Variants in SLC17A9 observed in about 807,000 individuals in gnomAD.
The protein encoded by SLC17A9 is voltage-gated purine nucleotide uniporter SLC17A9.
In SLC17A9, 49 loss-of-function variants were observed where a neutral mutation model predicts 55.0. The observed-to-expected ratio is 0.89, with a 90% CI of 0.71 to 1.13. SLC17A9 has a LOEUF of 1.13. SLC17A9 is among the 50% of genes most tolerant of loss of function. The pLI is 0.00. For missense variants in SLC17A9, 526 were observed against 569.3 expected (o/e 0.92, Z 0.77); for synonymous variants, 256 against 247.4 (o/e 1.03, Z -0.32).
At chr20:62,960,642 C>T (rs1264291339) in intron 4 of SLC17A9, 39 bp downstream of exon 4, 5 of 1,571,622 alleles carry the variant, frequency 3.2e-6, no homozygotes, top group Admixed American at 1.8e-5. Flanking sequence ...GAGAGGCCAC[C>T]AGGTGAGCCC....
At position 62,967,344 on chromosome 20, in the gene SLC17A9, G is replaced by A. The variant is rs751131972; in HGVS notation, c.1155G>A (p.Val385=). 1 of 1,613,992 alleles carries A rather than the reference G, an allele frequency of 6.2e-7. No individual in the cohort carries two copies. Among genetic ancestry groups the A allele is most frequent in the Non-Finnish European group, 8.5e-7 (1 of 1,179,936 alleles). The stretch of plus-strand genomic sequence containing the variant: ...TGGCCCTCTCTTGGGCAGGTGTCGT[G>A]GGTGTGTGTCTAGGCGGCTACTTGA... The part of the protein sequence containing the change: ...ANTAGALAGV[V]GVCLGGYLME... The change falls in exon 13 of 13, where the codon GTG becomes GTA. Residue 385 remains valine, a synonymous_variant. Transcript: ENST00000370351.
chr20:62,966,897 A>G (rs1355581694), intron 12 of SLC17A9, 165 bp downstream of exon 12: 1 of 841,984 alleles, frequency 1.2e-6, no homozygotes, highest in East Asian at 2.7e-5. Flanking sequence ...GCTGCCTTCC[A>G]GGTTCCACTG....
At chr20:62,953,379 G>T (rs73918881) in intron 1 of SLC17A9, 6 of 1,356,174 alleles carry the variant, frequency 4.4e-6, no homozygotes, top group Non-Finnish European at 6.1e-6. Flanking sequence ...TTCAGCTCTC[G>T]GAGCATTTGG....
chr20:62,966,767 T>A (rs2065644508), intron 12 of SLC17A9, 35 bp downstream of exon 12: 3 of 1,596,760 alleles, frequency 1.9e-6, no homozygotes, highest in Non-Finnish European at 2.6e-6. Context: ...GGAGTTCCCC[T>A]GTCTGTGGGG....
rs575898248 is a variant in SLC17A9, at chr20:62,958,434, G to A, written c.397+854G>A. On this transcript the variant is annotated intron_variant, in intron 3 of 12. Coordinates refer to ENST00000370351, the MANE Select transcript of SLC17A9 (RefSeq NM_022082.4). This position sits in a 1 kb window ranked among gnomAD's most constrained non-coding sequence, Gnocchi z 4.1. ...GAACAAGGTGGGTGGGGGGGCCAAG[G>A]GGGCTTTGAGGGGCCCCTACTTGGC... Among the ~76,000 whole-genome samples, 22 of 152,084 alleles carry A rather than the reference G, an allele frequency of 1.4e-4. No individual in the cohort carries two copies. The highest frequency in any genetic ancestry group is 4.8e-4 in the African/African-American group (20 of 41,502).
In SLC17A9 at chr20:62,962,542, C is replaced by G. The variant is rs528682547; in HGVS notation, c.498-82C>G. ...CTCTTCTCCAGGGGCTCAGCCTGCA[C>G]CAGGGTGGGGTTTCTGAGAGGCCCC... On this transcript the variant is annotated intron_variant, in intron 4 of 12. Transcript: ENST00000370351. The surrounding 1 kb of genome is among the most constrained non-coding windows in gnomAD (Gnocchi z 5.5). The G allele has an allele frequency of 2.6e-6, 4 of 1,537,718 alleles. No individual in the cohort carries two copies. The East Asian group carries it at 9.1e-5, about 35-fold the overall frequency.
At position 62,952,853 on chromosome 20, in the gene SLC17A9, C is replaced by A; in HGVS notation, c.23C>A (p.Ala8Asp). 1.3e-6 allele frequency: 2 copies of A among 1,529,376 alleles called. No individual in the cohort carries two copies. Among genetic ancestry groups the A allele is most frequent in the Non-Finnish European group, 8.8e-7 (1 of 1,142,486 alleles). 94.7% of individuals were successfully genotyped at this position (1,529,376 alleles called of 1,614,324 possible). A position where few individuals can be genotyped will look rare whatever the true frequency, so the allele number is the denominator to read the frequency against. The change falls in exon 1 of 13, where the codon GCC (alanine) becomes GAC (aspartate). Residue 8 changes from alanine to aspartate, a missense_variant. Physicochemically the swap from Ala to Asp is moderately radical, Grantham distance 126. Coordinates refer to ENST00000370351, the MANE Select transcript of SLC17A9 (RefSeq NM_022082.4). ...CCGATGCAGCCACCCCCAGACGAGG[C>A]CCGCAGGGACATGGCCGGGGACACC... The part of the protein sequence containing the change: MQPPPDE[A>D]RRDMAGDTQW...
In SLC17A9 at chr20:62,958,067, A is replaced by T. The variant is rs908870593; in HGVS notation, c.397+487A>T. On this transcript the variant is annotated intron_variant, in intron 3 of 12. Coordinates refer to ENST00000370351, the MANE Select transcript of SLC17A9 (RefSeq NM_022082.4). This position sits in a 1 kb window ranked among gnomAD's most constrained non-coding sequence, Gnocchi z 4.1. ...GGTATGCATGCGTGTGCATGCCTGTATGCATGTGTATGTGTGTGTGCGTTC... is the reference window on the plus strand; with the variant it reads ...GGTATGCATGCGTGTGCATGCCTGTTTGCATGTGTATGTGTGTGTGCGTTC... Among the ~76,000 whole-genome samples the T allele has an allele frequency of 6.6e-5, 10 of 151,856 alleles. No homozygotes were observed. Among genetic ancestry groups the T allele is most frequent in the African/African-American group, 2.2e-4 (9 of 41,306 alleles).
At chr20:62,957,614 C>T in intron 3 of SLC17A9, 34 bp downstream of exon 3, 1 of 1,492,762 alleles carries the variant, frequency 6.7e-7, no homozygotes, top group Admixed American at 2.3e-5. Context: ...CTCACGCTCT[C>T]TGGCACCAGG....
intron 10 of SLC17A9, 119 bp from the exon 11 acceptor site, chr20:62,966,406 G>A (rs932501925): frequency 1.1e-4 from 125 of 1,140,854 alleles, no homozygotes; most frequent in Admixed American, 1.9e-4. Flanking sequence ...AGGCCTGAGC[G>A]TGTCCCAGCC....
At chr20:62,967,243 A>G in intron 12 of SLC17A9, 94 bp from the exon 13 acceptor site, 1 of 1,481,592 alleles carries the variant, frequency 6.7e-7, no homozygotes, top group Non-Finnish European at 9.3e-7. Flanking sequence ...CTAGACCCCC[A>G]GCCCTTCCCC....
At chr20:62,965,033 T>A (rs1233788368) in intron 8 of SLC17A9, 99 bp from the exon 9 acceptor site, 21 of 1,404,468 alleles carry the variant, frequency 1.5e-5, no homozygotes, top group Non-Finnish European at 1.5e-5. Flanking sequence ...AGCCTCTTCC[T>A]CCCCTGCTGC....
intron 1 of SLC17A9, among the ~76,000 whole-genome samples, chr20:62,953,674 G>T (rs1412957088): frequency 6.6e-6 from 1 of 152,240 alleles, no homozygotes; most frequent in Non-Finnish European, 1.5e-5. Flanking sequence ...AGTCCCCAGG[G>T]TACCTACCCT....
At chr20:62,964,001 G>A (rs571113230) in intron 7 of SLC17A9, 1 of 609,316 alleles carries the variant, frequency 1.6e-6, no homozygotes, top group East Asian at 2.8e-5. Flanking sequence ...AAGCCGGGAT[G>A]TGGACAGAGG....
intron 1 of SLC17A9, 175 bp downstream of exon 1, chr20:62,953,064 T>C (rs2065504672): frequency 1.7e-6 from 2 of 1,206,006 alleles, no homozygotes; most frequent in Non-Finnish European, 2.4e-6. Flanking sequence ...GTGAGTGCCC[T>C]GTCCTTCCTC....
At chr20:62,959,186 C>A (rs1438343496) in intron 3 of SLC17A9, among the ~76,000 whole-genome samples, 1 of 152,202 alleles carries the variant, frequency 6.6e-6, no homozygotes, top group African/African-American at 2.4e-5. Flanking sequence ...TCGGACTGGG[C>A]TGACCAATGC....
Position 62,956,870 on chromosome 20 carries a change from C to T in SLC17A9, c.165C>T (p.Phe55=), listed in dbSNP as rs1204167432. The T allele has an allele frequency of 1.6e-5, 26 of 1,613,464 alleles. No individual in the cohort carries two copies. Among genetic ancestry groups the T allele is most frequent in the African/African-American group, 1.1e-4 (8 of 74,948 alleles). ...PICTVSMSQD[F]GWNKKEAGIV... is the part of the protein sequence containing the mutation. ...GCACCGTCTCCATGAGCCAGGACTT[C>T]GGCTGGAACAAGAAGGAGGCCGGCA... is the stretch of plus-strand genomic sequence containing the variant. The change falls in exon 2 of 13, where the codon TTC becomes TTT. Residue 55 remains phenylalanine (F), a synonymous_variant. Transcript: ENST00000370351.
In SLC17A9 at chr20:62,968,605, ATTTT is replaced by A. The variant is rs2065659908; in HGVS notation, c.*1106_*1109del. 6.6e-6 allele frequency: 1 copy of A among 152,368 alleles called. No individual in the cohort carries two copies. The allele number at this position is 152,368 out of a possible 1,614,324, so 9.4% of individuals were successfully genotyped here. A position where few individuals can be genotyped will look rare whatever the true frequency, so the allele number is the denominator to read the frequency against. The stretch of plus-strand genomic sequence containing the variant: ...TAAACTATTCAAAAAGAAGACTGTT[ATTTT>A]ATTTAACACCTTTGTTTTTTAAGAA... On this transcript the variant is annotated 3_prime_UTR_variant, in exon 13 of 13. Transcript: ENST00000370351.
In SLC17A9 at chr20:62,962,583, T is replaced by C; in HGVS notation, c.498-41T>C. 2 of 1,607,382 alleles carry C rather than the reference T, an allele frequency of 1.2e-6. No homozygotes were observed. Among genetic ancestry groups the C allele is most frequent in the African/African-American group, 2.7e-5 (2 of 74,836 alleles). ...GAGAGGCCCCTCCTCACCCGAGGGGTGCCGCTGAGGGGCCTGGCCACACTC... is the reference window on the plus strand; with the variant it reads ...GAGAGGCCCCTCCTCACCCGAGGGGCGCCGCTGAGGGGCCTGGCCACACTC... On this transcript the variant is annotated intron_variant, in intron 4 of 12. Transcript: ENST00000370351. This position sits in a 1 kb window ranked among gnomAD's most constrained non-coding sequence, Gnocchi z 5.5.
Sources: allele counts gnomAD v4.1 joint callset (sites outside exome capture counted in the v4.1 genomes callset), GRCh38; gene constraint gnomAD v4.1.1; non-coding constraint Gnocchi (gnomAD v3.1); transcripts MANE v1.5; gene names NCBI Gene and HGNC (gene_info 2026-07-23, HGNC 2026-07-21).